The following BLK variants were observed in gnomAD, a reference collection of about 807,000 sequenced individuals.
BLK encodes tyrosine-protein kinase Blk.
A neutral mutation model predicts 61.8 loss-of-function variants in BLK; 64 were observed. The observed-to-expected ratio is 1.03, with a 90% CI of 0.85 to 1.27. BLK has a LOEUF of 1.27. Ranked by LOEUF, BLK falls within the 50% of genes most tolerant of loss-of-function variation. The pLI, the probability that BLK is intolerant of heterozygous loss-of-function variation, is 0.00. For missense variants in BLK, 853 were observed against 660.5 expected, an observed-to-expected ratio of 1.29 and a Z score of -3.19; for synonymous variants, 351 against 272.0, an observed-to-expected ratio of 1.29 and a Z score of -2.86.
chr8:11,561,042 A>T (rs899519421), intron 10 of BLK: 4 of 652,434 alleles, frequency 6.1e-6, no homozygotes, highest in African/African-American at 3.6e-5. Flanking sequence ...CCTTGGACAC[A>T]GCTGTGTGGA....
chr8:11,548,016 C>T lies in BLK; in HGVS notation c.176-16C>T. 1 of 1,611,832 alleles carries T rather than the reference C, an allele frequency of 6.2e-7. No individual in the cohort carries two copies. The highest frequency in any genetic ancestry group is 8.5e-7 in the Non-Finnish European group (1 of 1,177,956). On this transcript the variant is annotated splice_polypyrimidine_tract_variant and intron_variant, in intron 3 of 12. Transcript: ENST00000259089. ...GTGGGCCTGAGTGGTGGTCATCTCT[C>T]CCTTGTTCATTTTAGACAAGCATTT...
intron 1 of BLK, among the ~76,000 whole-genome samples, chr8:11,524,668 A>G (rs7012905): frequency 0.02 from 3,084 of 152,280 alleles, 94 homozygotes; most frequent in African/African-American, 0.07. Context: ...AGGAAAGAGA[A>G]AGGGCATGAG....
At chr8:11,548,943 A>G in intron 4 of BLK, 81 bp from the exon 5 acceptor site, 2 of 1,251,364 alleles carry the variant, frequency 1.6e-6, no homozygotes, top group Non-Finnish European at 2.3e-6. Context: ...GGGAGAGATG[A>G]CTTTGAGGAG....
chr8:11,554,804 G>C lies in BLK; in HGVS notation c.534G>C (p.Lys178Asn), dbSNP rs1409449691. ...TTQGELIKHY[K>N]IRCLDEGGYY... Reference sequence around the variant, plus strand: ...AGGGGGAGCTGATCAAGCACTATAAGATCCGCTGCCTGGATGAAGGGGGCT... The same window carrying C: ...AGGGGGAGCTGATCAAGCACTATAACATCCGCTGCCTGGATGAAGGGGGCT... Residue 178 changes from lysine (K) to asparagine (N), a missense_variant, in exon 7 of 13, where the codon AAG (lysine) becomes AAC (asparagine). Coordinates refer to ENST00000259089, the MANE Select transcript of BLK (RefSeq NM_001715.3). 1 of 1,614,070 alleles carries C rather than the reference G, an allele frequency of 6.2e-7. No individual in the cohort carries two copies. Among genetic ancestry groups the C allele is most frequent in the Non-Finnish European group, 8.5e-7 (1 of 1,180,008 alleles).
chr8:11,500,084 C>T (rs546950049), intron 1 of BLK, among the ~76,000 whole-genome samples: 1 of 152,314 alleles, frequency 6.6e-6, no homozygotes, highest in African/African-American at 2.4e-5. Context: ...CAGAAAAATT[C>T]ACTGAGGGAG....
chr8:11,548,771 A>C (rs1800764472), intron 4 of BLK, among the ~76,000 whole-genome samples: 2 of 152,212 alleles, frequency 1.3e-5, no homozygotes, highest in African/African-American at 4.8e-5. Context: ...CATCAAGAGG[A>C]AGGCTGCTGG....
In BLK at chr8:11,548,070, A is replaced by G. The variant is rs1228494599; in HGVS notation, c.214A>G (p.Met72Val). ...FVVALYDYTA[M>V]NDRDLQMLKG... ...GGTGGCTCTGTATGACTACACCGCTATGAATGATCGGGACCTGCAGATGCT... is the reference window on the plus strand; with the variant it reads ...GGTGGCTCTGTATGACTACACCGCTGTGAATGATCGGGACCTGCAGATGCT... The change falls in exon 4 of 13, where the codon ATG becomes GTG. Residue 72 changes from methionine to valine, a missense_variant. Physicochemically the swap from Met to Val is conservative, Grantham distance 21. Coordinates refer to ENST00000259089, the MANE Select transcript of BLK (RefSeq NM_001715.3). 1 of 1,613,942 alleles carries G rather than the reference A, an allele frequency of 6.2e-7. No homozygotes were observed. Among genetic ancestry groups the G allele is most frequent in the African/African-American group, 1.3e-5 (1 of 74,906 alleles).
intron 6 of BLK, 51 bp downstream of exon 6, chr8:11,550,313 G>A (rs534542140): frequency 5.7e-6 from 9 of 1,574,496 alleles, no homozygotes; most frequent in Non-Finnish European, 7.8e-6. Context: ...TCCCGGGAAG[G>A]CGCCTCCAGA....
chr8:11,538,087 T>C (rs560905196), intron 1 of BLK, among the ~76,000 whole-genome samples: 7 of 152,006 alleles, frequency 4.6e-5, no homozygotes, highest in Admixed American at 6.5e-5. Context: ...CACACACACA[T>C]ATATACACAC....
In BLK at chr8:11,550,190, G is replaced by A. The variant is rs1210749724; in HGVS notation, c.400G>A (p.Ala134Thr). 1 of 1,614,160 alleles carries A rather than the reference G, an allele frequency of 6.2e-7. No homozygotes were observed. The highest frequency in any genetic ancestry group is 8.5e-7 in the Non-Finnish European group (1 of 1,180,014). The change falls in exon 6 of 13, where the codon GCT becomes ACT. Residue 134 changes from alanine to threonine, a missense_variant. By Grantham distance (58) the Ala-to-Thr change is moderately conservative. Transcript: ENST00000259089. Reference protein sequence around the residue: ...WFFRSQGRKEAERQLLAPINK... With the variant: ...WFFRSQGRKETERQLLAPINK... ...CTTTAGATCACAGGGTCGGAAGGAGGCTGAGAGGCAGCTTCTTGCTCCAAT... is the reference window on the plus strand; with the variant it reads ...CTTTAGATCACAGGGTCGGAAGGAGACTGAGAGGCAGCTTCTTGCTCCAAT...
At chr8:11,522,532 T>C (rs904199391) in intron 1 of BLK, among the ~76,000 whole-genome samples, 1 of 152,216 alleles carries the variant, frequency 6.6e-6, no homozygotes, top group African/African-American at 2.4e-5. Flanking sequence ...TTCCCTGTGT[T>C]GTTCAGAGAA....
chr8:11,535,261 G>GAAGAAAGAAAGAAAGAAAGAAAGA (rs5889374), intron 1 of BLK, among the ~76,000 whole-genome samples: 16 of 110,534 alleles, frequency 1.4e-4, no homozygotes, highest in Middle Eastern at 4.2e-3. Context: ...AAGAAAGAAA[G>GAAGAAAGAAAGAAAGAAAGAAAGA]AAGAAAGAAA....
Position 11,495,631 on chromosome 8 carries a change from T to A in BLK, c.-2+1040T>A, listed in dbSNP as rs547902586. Among the ~76,000 whole-genome samples, 48 of 152,212 alleles carry A rather than the reference T, an allele frequency of 3.2e-4. No homozygotes were observed. In the South Asian group the frequency reaches 6.0e-3, roughly 19 times the overall value. On this transcript the variant is annotated intron_variant, in intron 1 of 12. Coordinates refer to ENST00000259089, the MANE Select transcript of BLK (RefSeq NM_001715.3). The stretch of plus-strand genomic sequence containing the variant: ...CCACAACATATTTCACCTTCAAAAA[T>A]GTCAAGGTCATGAAAAACAAAGAAA...
At chr8:11,503,508 T>A (rs1212067416) in intron 1 of BLK, among the ~76,000 whole-genome samples, 1 of 152,152 alleles carries the variant, frequency 6.6e-6, no homozygotes, top group East Asian at 1.9e-4. Flanking sequence ...TTTTTTCTGC[T>A]CCATCCTGTG....
chr8:11,539,893 A>G (rs1004616410), intron 1 of BLK, among the ~76,000 whole-genome samples: 11 of 152,222 alleles, frequency 7.2e-5, no homozygotes, highest in Non-Finnish European at 1.5e-5. Context: ...AATGAATTAT[A>G]TGCTGCAATA....
At chr8:11,512,057 C>A (rs1025862228) in intron 1 of BLK, among the ~76,000 whole-genome samples, 1 of 152,120 alleles carries the variant, frequency 6.6e-6, no homozygotes, top group African/African-American at 2.4e-5. Flanking sequence ...TAAGATGGGG[C>A]CTGAAAATAC....
intron 1 of BLK, among the ~76,000 whole-genome samples, chr8:11,516,155 T>G (rs1799216521): frequency 6.6e-6 from 1 of 151,620 alleles, no homozygotes; most frequent in African/African-American, 2.4e-5. Context: ...GAGGAGAGAG[T>G]CAGACACAAA....
At chr8:11,547,662 C>T (rs1357359750) in intron 3 of BLK, among the ~76,000 whole-genome samples, 3 of 152,184 alleles carry the variant, frequency 2.0e-5, no homozygotes, top group African/African-American at 4.8e-5. Context: ...TTATGGGCCT[C>T]CGAGGGCAGG....
At chr8:11,525,653 A>C (rs980834698) in intron 1 of BLK, among the ~76,000 whole-genome samples, 3 of 152,214 alleles carry the variant, frequency 2.0e-5, no homozygotes, top group Non-Finnish European at 2.9e-5. Context: ...AAACAGTCAG[A>C]AAAGGTATAA....
Sources: allele counts gnomAD v4.1 joint callset (sites outside exome capture counted in the v4.1 genomes callset), GRCh38; gene constraint gnomAD v4.1.1; transcripts MANE v1.5; gene names NCBI Gene and HGNC (gene_info 2026-07-23, HGNC 2026-07-21).